Variants in COL6A6 observed in about 807,000 individuals in gnomAD.
COL6A6 encodes the protein collagen alpha-6(VI) chain.
A neutral mutation model predicts 208.6 loss-of-function variants in COL6A6; 183 were observed. The observed-to-expected ratio is 0.88, with a 90% confidence interval of 0.78 to 0.99. The LOEUF is 0.99. COL6A6 is among the 50% of genes least tolerant of loss of function. The pLI is 0.00. For missense variants in COL6A6, 2,816 were observed against 2,815.2 expected (o/e 1.00, Z -0.01); for synonymous variants, 973 against 1,011.8 (o/e 0.96, Z 0.73).
intron 33 of COL6A6, among the ~76,000 whole-genome samples, chr3:130,656,574 T>C (rs1239140697): frequency 6.6e-6 from 1 of 152,164 alleles, no homozygotes; most frequent in Non-Finnish European, 1.5e-5. Flanking sequence ...AAAAGCACCA[T>C]AAGTTCCCAT....
At chr3:130,605,837 A>G (rs1412993735) in intron 20 of COL6A6, among the ~76,000 whole-genome samples, 1 of 152,222 alleles carries the variant, frequency 6.6e-6, no homozygotes, top group Non-Finnish European at 1.5e-5. Flanking sequence ...CATGTCTTAC[A>G]TGGTGGCAGG....
intron 8 of COL6A6, among the ~76,000 whole-genome samples, chr3:130,579,878 A>G (rs894677004): frequency 2.8e-5 from 4 of 143,504 alleles, no homozygotes; most frequent in Non-Finnish European, 1.5e-5. Flanking sequence ...GTACTTAGAC[A>G]CATGGTTACT....
chr3:130,564,879 C>A, intron 3 of COL6A6, 115 bp from the exon 4 acceptor site: 1 of 1,159,146 alleles, frequency 8.6e-7, no homozygotes, highest in Non-Finnish European at 1.2e-6. Context: ...ATTTGTCTAC[C>A]TCCTTCTCTA....
intron 1 of COL6A6, among the ~76,000 whole-genome samples, chr3:130,517,927 G>A (rs76298913): frequency 0.012 from 1,819 of 152,324 alleles, 17 homozygotes; most frequent in Middle Eastern, 0.044. Context: ...GGGGAGGAAG[G>A]AAAGCAGAGA....
chr3:130,626,286 A>G (rs111639088), intron 24 of COL6A6, among the ~76,000 whole-genome samples, 199 bp from the exon 25 acceptor site: 23 of 152,350 alleles, frequency 1.5e-4, no homozygotes, highest in African/African-American at 5.5e-4. Context: ...CTTGCCCTAA[A>G]CAATAAATCA....
chr3:130,637,408 CAAT>C (rs2065190713), intron 28 of COL6A6, among the ~76,000 whole-genome samples: 1 of 151,670 alleles, frequency 6.6e-6, no homozygotes. Flanking sequence ...TTTTTAAAGA[CAAT>C]AAACGAATGG....
At chr3:130,518,537 C>T (rs1376964709) in intron 1 of COL6A6, among the ~76,000 whole-genome samples, 3 of 152,116 alleles carry the variant, frequency 2.0e-5, no homozygotes, top group African/African-American at 7.2e-5. Context: ...GACGGAGTTT[C>T]TCTCTTGTTG....
At chr3:130,527,730 G>T (rs531078579) in intron 1 of COL6A6, among the ~76,000 whole-genome samples, 2 of 152,242 alleles carry the variant, frequency 1.3e-5, no homozygotes, top group African/African-American at 4.8e-5. Flanking sequence ...CATAGTTTCA[G>T]TATGATTGAA....
chr3:130,546,599 T>G (rs2062504790), intron 1 of COL6A6, among the ~76,000 whole-genome samples: 1 of 152,214 alleles, frequency 6.6e-6, no homozygotes, highest in African/African-American at 2.4e-5. Context: ...GAGAGCTGAT[T>G]GGTCCATTTT....
At chr3:130,607,070 A>G in intron 21 of COL6A6, 104 bp downstream of exon 21, 2 of 873,378 alleles carry the variant, frequency 2.3e-6, no homozygotes, top group Non-Finnish European at 3.5e-6. Context: ...TTTTGATGAT[A>G]TTGGTTATGG....
intron 1 of COL6A6, among the ~76,000 whole-genome samples, chr3:130,520,656 A>G (rs923018950): frequency 1.3e-5 from 2 of 152,226 alleles, no homozygotes; most frequent in Non-Finnish European, 2.9e-5. Context: ...TATGCATCTC[A>G]TGTAAAGCTG....
At position 130,675,431 on chromosome 3, in the gene COL6A6, T is replaced by C. The variant is rs2066335640; in HGVS notation, c.*34T>C. Reference sequence around the variant, plus strand: ...TTGAACAACTTAGCCTTAGGAAGCATGGTAAGACTCTGGACTTAAATAGTA... The same window carrying C: ...TTGAACAACTTAGCCTTAGGAAGCACGGTAAGACTCTGGACTTAAATAGTA... On this transcript the variant is annotated 3_prime_UTR_variant, in exon 37 of 37. Coordinates refer to ENST00000358511, the MANE Select transcript of COL6A6 (RefSeq NM_001102608.3). 5 of 1,468,556 alleles carry C rather than the reference T, an allele frequency of 3.4e-6. No individual in the cohort carries two copies. Among genetic ancestry groups the C allele is most frequent in the Non-Finnish European group, 4.6e-6 (5 of 1,093,212 alleles). 91.0% of individuals were successfully genotyped at this position (1,468,556 alleles called of 1,614,324 possible).
At chr3:130,573,563 C>CTTTTTTT (rs55821593) in intron 7 of COL6A6, among the ~76,000 whole-genome samples, 1 of 84,538 alleles carries the variant, frequency 1.2e-5, no homozygotes, top group African/African-American at 4.0e-5. Context: ...TAGCTGCAAA[C>CTTTTTTT]TTTTTTTTTT....
intron 28 of COL6A6, among the ~76,000 whole-genome samples, chr3:130,637,182 C>T (rs974523313): frequency 8.8e-6 from 1 of 113,172 alleles, no homozygotes; most frequent in African/African-American, 3.6e-5. Flanking sequence ...GATGGCTATC[C>T]ATTAACATTA....
Position 130,662,247 on chromosome 3 carries a change from T to G in COL6A6, c.6441T>G (p.Ile2147Met). 6.2e-7 allele frequency: 1 copy of G among 1,614,012 alleles called. No individual in the cohort carries two copies. Among genetic ancestry groups the G allele is most frequent in the Non-Finnish European group, 8.5e-7 (1 of 1,179,880 alleles). The stretch of plus-strand genomic sequence containing the variant: ...ACCACCTGGTCCAGCTTGGCCGAAT[T>G]CATAAACCTGACCACAGTTATGGTG... ...LDHHLVQLGR[I>M]HKPDHSYGVK... is the part of the protein sequence containing the mutation. The change falls in exon 35 of 37, where the codon ATT becomes ATG. Residue 2147 changes from isoleucine (I) to methionine (M), a missense_variant. Coordinates refer to ENST00000358511, the MANE Select transcript of COL6A6 (RefSeq NM_001102608.3).
chr3:130,653,181 A>T (rs1485816659), intron 33 of COL6A6, among the ~76,000 whole-genome samples: 1 of 152,222 alleles, frequency 6.6e-6, no homozygotes, highest in Non-Finnish European at 1.5e-5. Flanking sequence ...CGTGCTGCAC[A>T]TTGAGGCTTC....
At chr3:130,660,002 T>C (rs2065898285) in intron 34 of COL6A6, among the ~76,000 whole-genome samples, 1 of 152,242 alleles carries the variant, frequency 6.6e-6, no homozygotes, top group Admixed American at 6.5e-5. Flanking sequence ...TAAAGTGCTT[T>C]ACATACTGTG....
intron 12 of COL6A6, chr3:130,589,979 T>A (rs534068012): frequency 1.2e-3 from 515 of 445,914 alleles, no homozygotes; most frequent in Non-Finnish European, 1.8e-3. Flanking sequence ...TTCAGCTTCA[T>A]GTAAAGAGAG....
intron 20 of COL6A6, among the ~76,000 whole-genome samples, chr3:130,602,029 A>G (rs1173999956): frequency 6.6e-6 from 1 of 152,222 alleles, no homozygotes; most frequent in Non-Finnish European, 1.5e-5. Flanking sequence ...ACATAGGGCC[A>G]TAGTTCAACA....
Sources: gnomAD v4.1 joint callset for allele counts (sites outside exome capture counted in the v4.1 genomes callset) on GRCh38, gnomAD v4.1.1 for gene constraint, MANE v1.5 for transcripts, NCBI Gene and HGNC (gene_info 2026-07-23, HGNC 2026-07-21) for gene names.